Variants in PLOD1 observed in about 807,000 individuals in gnomAD.
The protein encoded by PLOD1 is procollagen-lysine,2-oxoglutarate 5-dioxygenase 1.
A neutral mutation model predicts 94.7 loss-of-function variants in PLOD1; 70 were observed. The observed-to-expected ratio is 0.74, with a 90% CI of 0.61 to 0.90. PLOD1 has a LOEUF of 0.90. Ranked by LOEUF, PLOD1 falls within the 40% of genes least tolerant of loss-of-function variation. PLOD1 has a pLI of 0.00. For missense variants in PLOD1, 905 were observed against 972.7 expected (o/e 0.93, Z 0.93); for synonymous variants, 417 against 400.2 (o/e 1.04, Z -0.50).
chr1:11,970,780 C>T lies in PLOD1; in HGVS notation c.1866C>T (p.Pro622=), dbSNP rs772758944. ...WHKFLLEYIA[P]MTEKLYPGYY... is the part of the protein sequence containing the mutation. ...AATTCCTGCTGGAGTACATTGCGCCCATGACGGAGAAGCTCTACCCCGGCT... is the reference window on the plus strand; with the variant it reads ...AATTCCTGCTGGAGTACATTGCGCCTATGACGGAGAAGCTCTACCCCGGCT... The change falls in exon 17 of 19, where the codon CCC becomes CCT. Residue 622 remains proline, a synonymous_variant. Coordinates refer to ENST00000196061, the MANE Select transcript of PLOD1 (RefSeq NM_000302.4). The T allele has an allele frequency of 5.0e-6, 8 of 1,609,592 alleles. No individual in the cohort carries two copies. The highest frequency in any genetic ancestry group is 4.1e-5 in the African/African-American group (3 of 73,354).
intron 4 of PLOD1, among the ~76,000 whole-genome samples, chr1:11,951,836 A>G (rs965430148): frequency 1.8e-3 from 273 of 151,428 alleles, no homozygotes; most frequent in African/African-American, 6.5e-3. Context: ...GGAGAATGGC[A>G]TGAACCCGGG....
rs922826489 is a variant in PLOD1 at position 11,963,832 on chromosome 1, T to TTCC, written c.1202+208_1202+210dup. 9.2e-5 allele frequency among the ~76,000 whole-genome samples: 14 copies of TTCC among 151,458 alleles called. No homozygotes were observed. The highest frequency in any genetic ancestry group is 3.4e-4 in the African/African-American group (14 of 41,188). On this transcript the variant is annotated intron_variant, in intron 11 of 18. Coordinates refer to ENST00000196061, the MANE Select transcript of PLOD1 (RefSeq NM_000302.4). This position sits in a 1 kb window ranked among gnomAD's most constrained non-coding sequence, Gnocchi z 4.3. The stretch of plus-strand genomic sequence containing the variant: ...TTCCTCTTCCTCCTCTTCCTCCTTT[T>TTCC]TCCTCCTCCTCCTCGTCTTCCTCAT...
Position 11,950,534 on chromosome 1 carries a change from G to A in PLOD1, c.466+14G>A. Reference sequence around the variant, plus strand: ...TGGGCTCTGGAGGTGAGAGGCCTGGGTGCAGGGCGCTTGGCCCAGCAGAGG... The same window carrying A: ...TGGGCTCTGGAGGTGAGAGGCCTGGATGCAGGGCGCTTGGCCCAGCAGAGG... On this transcript the variant is annotated intron_variant, in intron 4 of 18. Coordinates refer to ENST00000196061, the MANE Select transcript of PLOD1 (RefSeq NM_000302.4). 2 of 1,612,946 alleles carry A rather than the reference G, an allele frequency of 1.2e-6. No homozygotes were observed. Among genetic ancestry groups the A allele is most frequent in the East Asian group, 4.5e-5 (2 of 44,860 alleles).
chr1:11,953,766 TG>T (rs1645719283), intron 5 of PLOD1, among the ~76,000 whole-genome samples: 1 of 151,580 alleles, frequency 6.6e-6, no homozygotes, highest in Admixed American at 6.6e-5. Flanking sequence ...CACTGCAGCC[TG>T]GGTGACAAGA....
intron 1 of PLOD1, among the ~76,000 whole-genome samples, chr1:11,935,665 C>A (rs1455639746): frequency 4.0e-5 from 6 of 150,670 alleles, no homozygotes; most frequent in Non-Finnish European, 7.4e-5. Context: ...CGCTCTGTCG[C>A]CCAGGCTGGA....
chr1:11,970,925 C>G, intron 17 of PLOD1, 109 bp downstream of exon 17: 1 of 787,554 alleles, frequency 1.3e-6, no homozygotes, highest in Admixed American at 2.8e-5. Flanking sequence ...CTGGGAGGGG[C>G]CGAGGTGGAG....
intron 11 of PLOD1, 34 bp from the exon 12 acceptor site, chr1:11,964,141 A>G: frequency 3.7e-6 from 6 of 1,611,340 alleles, no homozygotes; most frequent in Non-Finnish European, 5.1e-6. Flanking sequence ...CCCAGTGGGC[A>G]GCGACCTCCT....
chr1:11,936,403 G>A (rs565463525), intron 1 of PLOD1, among the ~76,000 whole-genome samples: 59 of 151,214 alleles, frequency 3.9e-4, no homozygotes, highest in African/African-American at 1.2e-3. Context: ...CAGAAGTGGC[G>A]GTACTTTCCA....
In PLOD1 at chr1:11,972,256, C is replaced by T. The variant is rs1645871348; in HGVS notation, c.1903-616C>T. 1 of 151,244 alleles carries T rather than the reference C, an allele frequency of 6.6e-6. No individual in the cohort carries two copies. The highest frequency in any genetic ancestry group is 1.5e-5 in the Non-Finnish European group (1 of 67,964). The allele number at this position is 151,244 out of a possible 1,614,324, so 9.4% of individuals were successfully genotyped here. ...TCTTTCTCTCTCTCTTTCTCTTTCTCTGTCTCTTTTTCTTTCTTTTCTTTC... is the reference window on the plus strand; with the variant it reads ...TCTTTCTCTCTCTCTTTCTCTTTCTTTGTCTCTTTTTCTTTCTTTTCTTTC... On this transcript the variant is annotated intron_variant, in intron 17 of 18. Transcript: ENST00000196061. The surrounding 1 kb of genome is among the most constrained non-coding windows in gnomAD (Gnocchi z 4.6).
chr1:11,963,832 TTCC>T lies in PLOD1; in HGVS notation c.1202+208_1202+210del, dbSNP rs922826489. On this transcript the variant is annotated intron_variant, in intron 11 of 18. Coordinates refer to ENST00000196061, the MANE Select transcript of PLOD1 (RefSeq NM_000302.4). The surrounding 1 kb of genome is among the most constrained non-coding windows in gnomAD (Gnocchi z 4.3). ...TTCCTCTTCCTCCTCTTCCTCCTTT[TTCC>T]TCCTCCTCCTCGTCTTCCTCATCCT... Among the ~76,000 whole-genome samples, 5 of 151,576 alleles carry T rather than the reference TTCC, an allele frequency of 3.3e-5. No individual in the cohort carries two copies. Among genetic ancestry groups the T allele is most frequent in the African/African-American group, 7.3e-5 (3 of 41,310 alleles).
intron 1 of PLOD1, chr1:11,944,469 T>C (rs1333001007): frequency 1.6e-6 from 2 of 1,222,464 alleles, no homozygotes; most frequent in Non-Finnish European, 2.2e-6. Context: ...TCACATGCTC[T>C]CACGCTGGCT....
At chr1:11,964,331 G>GGGGGGC in intron 12 of PLOD1, 31 bp downstream of exon 12, 1 of 1,456,166 alleles carries the variant, frequency 6.9e-7, no homozygotes, top group Non-Finnish European at 9.6e-7. Flanking sequence ...GGTGGGTGGG[G>GGGGGGC]GACACCTTCA....
At chr1:11,942,635 T>G (rs139476584) in intron 1 of PLOD1, among the ~76,000 whole-genome samples, 2 of 152,288 alleles carry the variant, frequency 1.3e-5, no homozygotes, top group African/African-American at 4.8e-5. Flanking sequence ...TGCCAGGGTC[T>G]CTTGTTGGAG....
At chr1:11,971,524 T>C (rs12567779) in intron 17 of PLOD1, 88,478 of 152,488 alleles carry the variant, frequency 0.58, 27,857 homozygotes, top group African/African-American at 0.82. Flanking sequence ...CCTGCCACCA[T>C]GCCTGGCTAA....
chr1:11,958,234 G>GAGTCAT lies in PLOD1; in HGVS notation c.844-281_844-280insGTCATA, dbSNP rs1645752989. Among the ~76,000 whole-genome samples the GAGTCAT allele has an allele frequency of 6.6e-6, 1 of 151,744 alleles. No individual in the cohort carries two copies. On this transcript the variant is annotated intron_variant, in intron 8 of 18. Coordinates refer to ENST00000196061, the MANE Select transcript of PLOD1 (RefSeq NM_000302.4). The surrounding 1 kb of genome is among the most constrained non-coding windows in gnomAD (Gnocchi z 4.3). ...TCCCATGAACCTCATCCTCATTTAT[G>GAGTCAT]ACTCACCTCGAACACCACGCCAGCC...
Position 11,974,667 on chromosome 1 carries a change from G to T in PLOD1, c.2043G>T (p.Arg681=), listed in dbSNP as rs2100768727. ...VGVDYEGGGC[R]FLRYNCSIRA... is the part of the protein sequence containing the mutation. ...CTGTCTCCCAGGGCGGGGGCTGTCGGTTCCTGCGCTACAACTGTTCCATCC... is the reference window on the plus strand; with the variant it reads ...CTGTCTCCCAGGGCGGGGGCTGTCGTTTCCTGCGCTACAACTGTTCCATCC... Residue 681 remains arginine, a synonymous_variant, in exon 19 of 19, where the codon CGG becomes CGT. Coordinates refer to ENST00000196061, the MANE Select transcript of PLOD1 (RefSeq NM_000302.4). The T allele has an allele frequency of 6.2e-7, 1 of 1,613,770 alleles. No individual in the cohort carries two copies. Among genetic ancestry groups the T allele is most frequent in the Non-Finnish European group, 8.5e-7 (1 of 1,179,816 alleles).
chr1:11,947,886 G>A (rs1645667558), intron 1 of PLOD1, 90 bp from the exon 2 acceptor site: 1 of 847,654 alleles, frequency 1.2e-6, no homozygotes. Flanking sequence ...CTTCCTGCCA[G>A]AATTTGACAG....
Position 11,949,828 on chromosome 1 carries a change from G to T in PLOD1, c.224G>T (p.Gly75Val). 1 of 1,613,966 alleles carries T rather than the reference G, an allele frequency of 6.2e-7. No homozygotes were observed. Among genetic ancestry groups the T allele is most frequent in the Non-Finnish European group, 8.5e-7 (1 of 1,179,852 alleles). Residue 75 changes from glycine (G) to valine (V), a missense_variant, in exon 3 of 19, where the codon GGG becomes GTG. Coordinates refer to ENST00000196061, the MANE Select transcript of PLOD1 (RefSeq NM_000302.4). Reference sequence around the variant, plus strand: ...GAGAAGGGGACGTCGGCAGGTGGAGGGCAGAAGGTCCGGCTGCTGAAGAAA... The same window carrying T: ...GAGAAGGGGACGTCGGCAGGTGGAGTGCAGAAGGTCCGGCTGCTGAAGAAA... ...NVEKGTSAGG[G>V]QKVRLLKKAL...
chr1:11,951,778 G>A (rs1021846716), intron 4 of PLOD1, among the ~76,000 whole-genome samples: 1 of 151,422 alleles, frequency 6.6e-6, no homozygotes, highest in Non-Finnish European at 1.5e-5. Context: ...AATTAGCCAG[G>A]TGTGGTGGCA....
Sources: allele counts gnomAD v4.1 joint callset (sites outside exome capture counted in the v4.1 genomes callset), GRCh38; gene constraint gnomAD v4.1.1; non-coding constraint Gnocchi (gnomAD v3.1); transcripts MANE v1.5; gene names NCBI Gene and HGNC (gene_info 2026-07-23, HGNC 2026-07-21).